FHIT: variants seen among roughly 807,000 people sequenced by gnomAD.
FHIT encodes fragile histidine triad diadenosine triphosphatase.
In FHIT, 19 loss-of-function variants were observed where a neutral mutation model predicts 17.9. The observed-to-expected ratio is 1.06, with a 90% CI of 0.74 to 1.56. FHIT has a LOEUF of 1.56. Among genes scored for constraint, FHIT ranks in the 40% most tolerant of loss-of-function variants. FHIT has a pLI of 0.00. For synonymous variants in FHIT, 81 were observed against 69.7 expected, an observed-to-expected ratio of 1.16 and a Z score of -0.81; for missense variants, 248 against 189.2, an observed-to-expected ratio of 1.31 and a Z score of -1.82.
At chr3:60,560,907 G>A (rs1453480725) in intron 4 of FHIT, among the ~76,000 whole-genome samples, 1 of 151,230 alleles carries the variant, frequency 6.6e-6, no homozygotes, top group African/African-American at 2.4e-5. Context: ...AGTAGGAAGG[G>A]ACACAGAGCC....
intron 8 of FHIT, among the ~76,000 whole-genome samples, chr3:59,888,344 A>G (rs2106994738): frequency 6.6e-6 from 1 of 152,326 alleles, no homozygotes; most frequent in Non-Finnish European, 1.5e-5. Context: ...TCTAATAAGG[A>G]GAAAAGTGTA....
intron 8 of FHIT, among the ~76,000 whole-genome samples, chr3:59,771,808 G>A (rs1702086400): frequency 6.6e-6 from 1 of 152,182 alleles, no homozygotes; most frequent in South Asian, 2.1e-4. Flanking sequence ...AAACGGGAGT[G>A]CTTATCATTT....
chr3:60,469,666 T>C (rs1354864360), intron 5 of FHIT, among the ~76,000 whole-genome samples: 1 of 151,748 alleles, frequency 6.6e-6, no homozygotes, highest in African/African-American at 2.4e-5. Context: ...GTGACTTAGT[T>C]TGGTGAGGTC....
At chr3:60,328,987 T>C (rs1709833888) in intron 5 of FHIT, among the ~76,000 whole-genome samples, 1 of 152,358 alleles carries the variant, frequency 6.6e-6, no homozygotes, top group Non-Finnish European at 1.5e-5. Flanking sequence ...ATCCATTATC[T>C]GCTCAAAGTA....
intron 7 of FHIT, among the ~76,000 whole-genome samples, chr3:59,976,669 C>T (rs1297307213): frequency 6.6e-6 from 1 of 152,080 alleles, no homozygotes; most frequent in African/African-American, 2.4e-5. Context: ...TTGAAATCTA[C>T]CTAAATCAAA....
At chr3:60,393,889 A>T (rs1298785588) in intron 5 of FHIT, among the ~76,000 whole-genome samples, 1 of 152,100 alleles carries the variant, frequency 6.6e-6, no homozygotes, top group African/African-American at 2.4e-5. Context: ...GGGCCTCTGC[A>T]TTTGCCACCC....
At chr3:60,988,975 A>C (rs13072770) in intron 3 of FHIT, among the ~76,000 whole-genome samples, 1 of 111,792 alleles carries the variant, frequency 8.9e-6, no homozygotes. Flanking sequence ...AAAAAAAAAA[A>C]CAAGATAATT....
At chr3:61,164,317 A>T (rs1306882781) in intron 2 of FHIT, among the ~76,000 whole-genome samples, 1 of 152,236 alleles carries the variant, frequency 6.6e-6, no homozygotes, top group Non-Finnish European at 1.5e-5. Context: ...GGCTTCTCAA[A>T]GTGTGGTTCC....
chr3:60,029,748 T>G (rs1189361612), intron 5 of FHIT, among the ~76,000 whole-genome samples: 1 of 152,132 alleles, frequency 6.6e-6, no homozygotes, highest in African/African-American at 2.4e-5. Flanking sequence ...GACAAAGGTT[T>G]TTAAAGGGCA....
At chr3:60,334,584 G>A (rs1009540179) in intron 5 of FHIT, among the ~76,000 whole-genome samples, 1 of 152,158 alleles carries the variant, frequency 6.6e-6, no homozygotes, top group South Asian at 2.1e-4. Flanking sequence ...TCAGGAGCTC[G>A]AGACCAGCAT....
At chr3:59,826,655 C>T (rs956041887) in intron 8 of FHIT, among the ~76,000 whole-genome samples, 6 of 152,236 alleles carry the variant, frequency 3.9e-5, no homozygotes, top group Admixed American at 6.5e-5. Context: ...CGCGAGTGCG[C>T]GCGAGTCTCA....
chr3:61,241,022 C>A (rs1291165875), intron 1 of FHIT, among the ~76,000 whole-genome samples: 2 of 152,230 alleles, frequency 1.3e-5, no homozygotes, highest in Non-Finnish European at 2.9e-5. Context: ...AGACCTGCCA[C>A]TTTCTGATGA....
chr3:59,815,454 G>A (rs982112109), intron 8 of FHIT, among the ~76,000 whole-genome samples: 11 of 152,040 alleles, frequency 7.2e-5, no homozygotes, highest in South Asian at 2.1e-4. Context: ...AGAATAATTC[G>A]CAATTGCAAA....
At chr3:61,179,634 G>A (rs891249501) in intron 2 of FHIT, among the ~76,000 whole-genome samples, 3 of 142,824 alleles carry the variant, frequency 2.1e-5, no homozygotes, top group African/African-American at 7.8e-5. Flanking sequence ...CCTGAGCCCA[G>A]GAAGTCAAGG....
At chr3:60,077,883 ACT>A (rs973896202) in intron 5 of FHIT, among the ~76,000 whole-genome samples, 2 of 152,000 alleles carry the variant, frequency 1.3e-5, no homozygotes, top group Admixed American at 6.6e-5. Flanking sequence ...AAAAAAAGTA[ACT>A]CTGAGATAAC....
intron 4 of FHIT, among the ~76,000 whole-genome samples, chr3:60,801,021 T>A (rs1701168927): frequency 6.6e-6 from 1 of 152,136 alleles, no homozygotes; most frequent in Admixed American, 6.5e-5. Flanking sequence ...ACCAACAGCA[T>A]CCTCTACAGA....
chr3:60,130,022 T>C (rs1315245143), intron 5 of FHIT, among the ~76,000 whole-genome samples: 1 of 152,164 alleles, frequency 6.6e-6, no homozygotes. Context: ...ACACACTCGA[T>C]GTCCAAATTC....
chr3:60,543,745 G>GTTGTT (rs912583026), intron 4 of FHIT, among the ~76,000 whole-genome samples: 2 of 151,496 alleles, frequency 1.3e-5, no homozygotes, highest in Non-Finnish European at 2.9e-5. Context: ...CTTTTTTGTT[G>GTTGTT]TTGTTTTGTT....
intron 3 of FHIT, among the ~76,000 whole-genome samples, chr3:60,922,636 T>C (rs1707342786): frequency 6.6e-6 from 1 of 152,242 alleles, no homozygotes; most frequent in South Asian, 2.1e-4. Context: ...CTACAAATGC[T>C]GGAAGCCTTG....
Sources: allele counts gnomAD v4.1 joint callset (sites outside exome capture counted in the v4.1 genomes callset), GRCh38; gene constraint gnomAD v4.1.1; transcripts MANE v1.5; gene names NCBI Gene and HGNC (gene_info 2026-07-23, HGNC 2026-07-21).